The following SLC44A5 variants were observed in gnomAD, a reference collection of about 807,000 sequenced individuals.
The protein encoded by SLC44A5 is choline transporter-like protein 5.
Under a neutral mutation model 101.8 loss-of-function variants are expected in SLC44A5, and 57 were observed. The ratio of observed to expected loss-of-function variants is 0.56; its 90% CI spans 0.45 to 0.70. SLC44A5 has a LOEUF of 0.70. Ranked by LOEUF, SLC44A5 falls within the 30% of genes least tolerant of loss-of-function variation. The probability of loss-of-function intolerance (pLI) is 0.00; values close to 1 mark genes in which losing one functional copy is unlikely to be tolerated. For synonymous variants in SLC44A5, 281 were observed against 290.9 expected, an observed-to-expected ratio of 0.97 and a Z score of 0.35; for missense variants, 737 against 853.1, an observed-to-expected ratio of 0.86 and a Z score of 1.70.
At chr1:75,652,803 A>G in the SLC44A5 span, among the ~76,000 whole-genome samples, 1 of 152,160 alleles carries the variant, frequency 6.6e-6, no homozygotes, top group Non-Finnish European at 1.5e-5. Flanking sequence ...CTCAAAAAAG[A>G]ACAAAAACAA....
At chr1:75,420,957 A>G (rs1663964338) in intron 2 of SLC44A5, among the ~76,000 whole-genome samples, 1 of 152,120 alleles carries the variant, frequency 6.6e-6, no homozygotes, top group South Asian at 2.1e-4. Context: ...TAGCCATTAG[A>G]ACACAGATGT....
intron 4 of SLC44A5, among the ~76,000 whole-genome samples, chr1:75,328,078 A>C (rs1217673538): frequency 6.6e-6 from 1 of 152,180 alleles, no homozygotes; most frequent in African/African-American, 2.4e-5. Flanking sequence ...GTCCACAGAA[A>C]CTACCAGCTG....
intron 3 of SLC44A5, among the ~76,000 whole-genome samples, chr1:75,364,278 A>T (rs1386463845): frequency 6.6e-6 from 1 of 152,174 alleles, no homozygotes; most frequent in African/African-American, 2.4e-5. Flanking sequence ...TACAGGAATC[A>T]TGCTGCTGGC....
At chr1:75,446,101 G>T (rs1665559289) in intron 2 of SLC44A5, among the ~76,000 whole-genome samples, 1 of 152,060 alleles carries the variant, frequency 6.6e-6, no homozygotes, top group South Asian at 2.1e-4. Context: ...TAGTTTCTCT[G>T]ACCCCCCATT....
chr1:75,688,231 C>CA, the SLC44A5 span, among the ~76,000 whole-genome samples: 10 of 152,336 alleles, frequency 6.6e-5, no homozygotes, highest in Non-Finnish European at 1.2e-4. Flanking sequence ...AGCACTATAA[C>CA]TTTTCCCAGG....
intron 2 of SLC44A5, among the ~76,000 whole-genome samples, chr1:75,404,063 C>A (rs1662685034): frequency 6.6e-6 from 1 of 151,738 alleles, no homozygotes; most frequent in Admixed American, 6.6e-5. Context: ...ACACAAGTAT[C>A]AATAGCTGAA....
chr1:75,560,180 G>C (rs1672442962), intron 1 of SLC44A5, among the ~76,000 whole-genome samples: 1 of 152,066 alleles, frequency 6.6e-6, no homozygotes, highest in Non-Finnish European at 1.5e-5. Context: ...CCACTCCTAA[G>C]TATATACCCA....
intron 1 of SLC44A5, chr1:75,582,286 C>T: frequency 6.5e-7 from 1 of 1,535,700 alleles, no homozygotes; most frequent in Non-Finnish European, 8.8e-7. Context: ...ATGCCAAGGC[C>T]ATGAGTGCAC....
intron 2 of SLC44A5, among the ~76,000 whole-genome samples, chr1:75,502,093 C>T (rs12401888): frequency 0.11 from 17,252 of 152,210 alleles, 1,339 homozygotes; most frequent in Admixed American, 0.2. Context: ...TACCCAGTGA[C>T]GTGCCAACAA....
At chr1:75,640,879 C>T in the SLC44A5 span, among the ~76,000 whole-genome samples, 132 of 152,094 alleles carry the variant, frequency 8.7e-4, no homozygotes, top group African/African-American at 3.0e-3. Context: ...ATTCAGAGTA[C>T]ATGAATTTTT....
At chr1:75,243,580 A>G (rs1489028457) in intron 7 of SLC44A5, among the ~76,000 whole-genome samples, 1 of 152,096 alleles carries the variant, frequency 6.6e-6, no homozygotes, top group Non-Finnish European at 1.5e-5. Context: ...TGATTTTGAG[A>G]TAATTGTAAA....
intron 3 of SLC44A5, among the ~76,000 whole-genome samples, chr1:75,375,663 T>A (rs1302828232): frequency 1.3e-5 from 2 of 152,214 alleles, no homozygotes; most frequent in East Asian, 3.8e-4. Context: ...AGCAGAAACC[T>A]TACAAGCCAG....
chr1:75,233,436 AGC>A (rs1647777229), intron 12 of SLC44A5, among the ~76,000 whole-genome samples: 2 of 151,760 alleles, frequency 1.3e-5, no homozygotes, highest in African/African-American at 4.8e-5. Context: ...CACATTATTT[AGC>A]TCCCACACAT....
intron 2 of SLC44A5, among the ~76,000 whole-genome samples, chr1:75,478,810 T>G (rs1667614034): frequency 6.6e-6 from 1 of 152,212 alleles, no homozygotes; most frequent in Admixed American, 6.5e-5. Flanking sequence ...ATGGAGACTT[T>G]AACACCCCAC....
chr1:75,438,598 C>A (rs748930911), intron 2 of SLC44A5, among the ~76,000 whole-genome samples: 9 of 152,024 alleles, frequency 5.9e-5, no homozygotes, highest in Non-Finnish European at 1.0e-4. Context: ...TAAGACTAAG[C>A]TTTAGGCAGC....
chr1:75,582,136 G>A (rs1400210750), intron 1 of SLC44A5: 27 of 749,526 alleles, frequency 3.6e-5, no homozygotes, highest in South Asian at 1.7e-4. Flanking sequence ...AACTGGTCCC[G>A]AATATGGCAC....
chr1:75,467,307 C>A (rs868842830), intron 2 of SLC44A5, among the ~76,000 whole-genome samples: 1 of 152,138 alleles, frequency 6.6e-6, no homozygotes, highest in African/African-American at 2.4e-5. Flanking sequence ...CAATGATATT[C>A]TCCACAGAAA....
intron 2 of SLC44A5, among the ~76,000 whole-genome samples, chr1:75,516,015 T>TA (rs1051674430): frequency 3.3e-5 from 5 of 152,238 alleles, no homozygotes; most frequent in East Asian, 1.9e-4. Context: ...TGTCGAGTAT[T>TA]AAAAAAACTT....
chr1:75,398,182 A>G (rs1026179449), intron 2 of SLC44A5, among the ~76,000 whole-genome samples: 3 of 152,194 alleles, frequency 2.0e-5, no homozygotes, highest in Admixed American at 2.0e-4. Context: ...TTTTTAAAAA[A>G]CAACAAAATT....
Sources: allele counts gnomAD v4.1 joint callset (sites outside exome capture counted in the v4.1 genomes callset), GRCh38; gene constraint gnomAD v4.1.1; transcripts MANE v1.5; gene names NCBI Gene and HGNC (gene_info 2026-07-23, HGNC 2026-07-21).